The following SMYD1 variants were observed in gnomAD, a reference collection of about 807,000 sequenced individuals.
SMYD1 encodes SET and MYND domain containing 1.
A neutral mutation model predicts 54.0 loss-of-function variants in SMYD1; 49 were observed. The observed-to-expected ratio is 0.91, with a 90% confidence interval of 0.72 to 1.15. SMYD1 has a LOEUF of 1.15. Among genes scored for constraint, SMYD1 ranks in the 50% most tolerant of loss-of-function variants. The pLI, the probability that SMYD1 is intolerant of heterozygous loss-of-function variation, is 0.00. For synonymous variants in SMYD1, 269 were observed against 234.2 expected (o/e 1.15, Z -1.36); for missense variants, 653 against 639.6 (o/e 1.02, Z -0.23).
At chr2:88,069,744 G>A (rs926127354) in intron 1 of SMYD1, among the ~76,000 whole-genome samples, 1 of 152,206 alleles carries the variant, frequency 6.6e-6, no homozygotes, top group Non-Finnish European at 1.5e-5. Context: ...CTCTTAACAT[G>A]TTGGGTATCT....
chr2:88,073,629 C>T (rs958237497), intron 1 of SMYD1, among the ~76,000 whole-genome samples: 1 of 152,126 alleles, frequency 6.6e-6, no homozygotes, highest in Non-Finnish European at 1.5e-5. Context: ...ATTTTGAATT[C>T]AAAATACGTT....
chr2:88,086,821 A>G (rs1273378782), intron 2 of SMYD1, among the ~76,000 whole-genome samples: 1 of 149,960 alleles, frequency 6.7e-6, no homozygotes, highest in Non-Finnish European at 1.5e-5. Flanking sequence ...CCTTATCTCT[A>G]CCCATCCCTA....
At chr2:88,102,967 C>G in intron 6 of SMYD1, 91 bp from the exon 7 acceptor site, 1 of 951,794 alleles carries the variant, frequency 1.1e-6, no homozygotes, top group Non-Finnish European at 1.7e-6. Flanking sequence ...TAACCTTGTG[C>G]TACATTGAAT....
intron 7 of SMYD1, among the ~76,000 whole-genome samples, chr2:88,105,491 C>T (rs1442541322): frequency 1.2e-4 from 18 of 152,010 alleles, no homozygotes; most frequent in Non-Finnish European, 2.5e-4. Flanking sequence ...TGTATTTTTG[C>T]GTACAACCTA....
intron 1 of SMYD1, among the ~76,000 whole-genome samples, chr2:88,078,072 T>C (rs546903479): frequency 7.2e-5 from 11 of 152,234 alleles, no homozygotes; most frequent in African/African-American, 1.9e-4. Flanking sequence ...CATACGATGT[T>C]CTCCTGTAGC....
intron 1 of SMYD1, among the ~76,000 whole-genome samples, chr2:88,073,030 A>G (rs1673982789): frequency 6.6e-6 from 1 of 152,128 alleles, no homozygotes; most frequent in African/African-American, 2.4e-5. Flanking sequence ...ATGGTACCCT[A>G]TAGGTAGCTT....
At chr2:88,108,952 G>A (rs146677617) in intron 9 of SMYD1, among the ~76,000 whole-genome samples, 228 of 152,276 alleles carry the variant, frequency 1.5e-3, no homozygotes, top group Middle Eastern at 6.8e-3. Context: ...TGAACTCAGA[G>A]CGACAACTCA....
chr2:88,077,978 G>A (rs1380596151), intron 1 of SMYD1, among the ~76,000 whole-genome samples: 1 of 152,138 alleles, frequency 6.6e-6, no homozygotes, highest in Non-Finnish European at 1.5e-5. Context: ...ACCCGCCTCG[G>A]CCTCCCAAAG....
At chr2:88,073,616 T>A (rs528511668) in intron 1 of SMYD1, among the ~76,000 whole-genome samples, 2 of 152,342 alleles carry the variant, frequency 1.3e-5, no homozygotes, top group East Asian at 3.9e-4. Flanking sequence ...CCTACAAGTA[T>A]AAATTTTGAA....
chr2:88,098,562 G>A (rs1476985438), intron 6 of SMYD1, among the ~76,000 whole-genome samples: 3 of 152,032 alleles, frequency 2.0e-5, no homozygotes, highest in African/African-American at 7.2e-5. Flanking sequence ...TACTAACTGA[G>A]CAGAAAAAAA....
chr2:88,108,031 C>T (rs1013487392), intron 8 of SMYD1, among the ~76,000 whole-genome samples: 14 of 152,246 alleles, frequency 9.2e-5, no homozygotes, highest in East Asian at 7.7e-4. Context: ...TCTTCTGCGT[C>T]GCTGACGCTG....
At chr2:88,099,689 T>C (rs1458724627) in intron 6 of SMYD1, among the ~76,000 whole-genome samples, 1 of 151,682 alleles carries the variant, frequency 6.6e-6, no homozygotes, top group Admixed American at 6.6e-5. Flanking sequence ...TGCCACTGCA[T>C]TCCAGCCTGG....
chr2:88,068,027 T>A, intron 1 of SMYD1, 26 bp downstream of exon 1: 2 of 1,600,176 alleles, frequency 1.2e-6, no homozygotes, highest in Non-Finnish European at 1.7e-6. Context: ...AGTTGCCTTC[T>A]CTCCTGTTAG....
chr2:88,112,515 T>C lies in SMYD1; in HGVS notation c.*2003T>C, dbSNP rs1675052099. On this transcript the variant is annotated 3_prime_UTR_variant, in exon 10 of 10. Coordinates refer to ENST00000419482, the MANE Select transcript of SMYD1 (RefSeq NM_198274.4). ...TTGACATTTGTCACCCCACTGGCCT[T>C]CTCAGGTGCAATCAGTAAAAATGCT... 1 of 229,604 alleles carries C rather than the reference T, an allele frequency of 4.4e-6. No individual in the cohort carries two copies. Among genetic ancestry groups the C allele is most frequent in the Non-Finnish European group, 8.7e-6 (1 of 115,530 alleles). The allele number at this position is 229,604 out of a possible 1,614,324, so 14.2% of individuals were successfully genotyped here.
chr2:88,110,798 CA>C lies in SMYD1; in HGVS notation c.*290del. On this transcript the variant is annotated 3_prime_UTR_variant, in exon 10 of 10. Transcript: ENST00000419482. ...CTCCAAATGTCGTTGGGTGGGGAAGCAAAATGTAGAGAAACATTTAAAGCAC... is the reference window on the plus strand; with the variant it reads ...CTCCAAATGTCGTTGGGTGGGGAAGCAAATGTAGAGAAACATTTAAAGCAC... The C allele has an allele frequency of 2.9e-6, 1 of 347,154 alleles. No individual in the cohort carries two copies. The allele number at this position is 347,154 out of a possible 1,614,324, so 21.5% of individuals were successfully genotyped here.
At chr2:88,068,438 C>A (rs1171366426) in intron 1 of SMYD1, among the ~76,000 whole-genome samples, 2 of 152,054 alleles carry the variant, frequency 1.3e-5, no homozygotes, top group African/African-American at 4.8e-5. Context: ...TTATGAATAA[C>A]CCAGGAATCC....
chr2:88,109,891 C>G lies in SMYD1; in HGVS notation c.1315-463C>G, dbSNP rs898824932. Among the ~76,000 whole-genome samples the G allele has an allele frequency of 2.0e-5, 3 of 152,122 alleles. No homozygotes were observed. In the South Asian group the frequency reaches 6.2e-4, roughly 32 times the overall value. On this transcript the variant is annotated intron_variant, in intron 9 of 9. Coordinates refer to ENST00000419482, the MANE Select transcript of SMYD1 (RefSeq NM_198274.4). ...AATGCCTGGCCCTTAAGAAGTATTT[C>G]TTGAATGGACATGTGGGAGGATGAG...
chr2:88,088,170 C>T (rs999670335), intron 3 of SMYD1, 95 bp downstream of exon 3: 8 of 1,329,638 alleles, frequency 6.0e-6, no homozygotes, highest in Non-Finnish European at 6.1e-6. Context: ...CAGAAGTGAA[C>T]TAAGAGGCAG....
At chr2:88,100,095 T>A (rs1206675471) in intron 6 of SMYD1, among the ~76,000 whole-genome samples, 1 of 151,976 alleles carries the variant, frequency 6.6e-6, no homozygotes, top group Non-Finnish European at 1.5e-5. Flanking sequence ...TAGAATTTGA[T>A]GCTCCTGGTG....
Sources: allele counts gnomAD v4.1 joint callset (sites outside exome capture counted in the v4.1 genomes callset), GRCh38; gene constraint gnomAD v4.1.1; transcripts MANE v1.5; gene names NCBI Gene and HGNC (gene_info 2026-07-23, HGNC 2026-07-21).